LIMCH1: variants seen among roughly 807,000 people sequenced by gnomAD.
LIMCH1 encodes the protein LIM and calponin homology domains 1, also known as LIM and calponin homology domains-containing protein 1.
A neutral mutation model predicts 176.5 loss-of-function variants in LIMCH1; 113 were observed. That is an observed-to-expected ratio of 0.64 (90% confidence interval 0.55 to 0.75). The LOEUF is 0.75. LIMCH1 is among the 30% of genes least tolerant of loss of function. LIMCH1 has a pLI of 0.00. For synonymous variants in LIMCH1, 619 were observed against 645.9 expected (o/e 0.96, Z 0.63); for missense variants, 1,674 against 1,814.9 (o/e 0.92, Z 1.41).
intron 2 of LIMCH1, among the ~76,000 whole-genome samples, chr4:41,519,503 C>T (rs971192065): frequency 6.6e-6 from 1 of 152,136 alleles, no homozygotes; most frequent in Admixed American, 6.5e-5. Context: ...TAAGGATTAT[C>T]CAAGATCATA....
At chr4:41,685,681 C>G in intron 27 of LIMCH1, 29 bp from the exon 28 acceptor site, 2 of 1,612,370 alleles carry the variant, frequency 1.2e-6, no homozygotes, top group Non-Finnish European at 1.7e-6. Flanking sequence ...TTACTGTGCA[C>G]TACATTTATG....
intron 18 of LIMCH1, among the ~76,000 whole-genome samples, chr4:41,656,930 T>C (rs2094481004): frequency 6.6e-6 from 1 of 152,114 alleles, no homozygotes; most frequent in Non-Finnish European, 1.5e-5. Flanking sequence ...GCTTCACATG[T>C]CTAGTACATC....
chr4:41,401,210 A>G (rs1257217228), intron 1 of LIMCH1, among the ~76,000 whole-genome samples: 2 of 152,186 alleles, frequency 1.3e-5, no homozygotes, highest in East Asian at 1.9e-4. Flanking sequence ...ATTTTTGTAT[A>G]AAGTGTAAGG....
At chr4:41,570,745 GCC>G (rs1365081393) in intron 1 of LIMCH1, among the ~76,000 whole-genome samples, 3 of 152,148 alleles carry the variant, frequency 2.0e-5, no homozygotes, top group Non-Finnish European at 4.4e-5. Flanking sequence ...GAATGGCACC[GCC>G]CAACAAAAAT....
At chr4:41,390,575 A>G (rs866726379) in intron 1 of LIMCH1, among the ~76,000 whole-genome samples, 1 of 152,234 alleles carries the variant, frequency 6.6e-6, no homozygotes, top group Non-Finnish European at 1.5e-5. Flanking sequence ...TTTCAAAAGA[A>G]TAACAAATTT....
At chr4:41,632,726 C>A in intron 10 of LIMCH1, 23 bp from the exon 11 acceptor site, 1 of 1,518,950 alleles carries the variant, frequency 6.6e-7, no homozygotes, top group Non-Finnish European at 8.8e-7. Context: ...CTCTTGCCAC[C>A]AATGCTACTT....
At chr4:41,459,460 C>T (rs1279158866) in intron 1 of LIMCH1, among the ~76,000 whole-genome samples, 1 of 151,970 alleles carries the variant, frequency 6.6e-6, no homozygotes, top group African/African-American at 2.4e-5. Flanking sequence ...GCCAATGCAT[C>T]CAAATAATAT....
chr4:41,586,721 G>T (rs1418197974), intron 1 of LIMCH1, among the ~76,000 whole-genome samples: 1 of 152,156 alleles, frequency 6.6e-6, no homozygotes, highest in South Asian at 2.1e-4. Context: ...GTAATTTTTT[G>T]GAGGGATAGA....
intron 3 of LIMCH1, among the ~76,000 whole-genome samples, chr4:41,527,836 A>AAC (rs1219752579): frequency 8.0e-5 from 12 of 150,818 alleles, no homozygotes; most frequent in Non-Finnish European, 1.8e-4. Context: ...AAAAAAAAAA[A>AAC]AAAAAAAAAA....
chr4:41,531,471 C>T (rs1301686025), intron 3 of LIMCH1, among the ~76,000 whole-genome samples: 2 of 123,222 alleles, frequency 1.6e-5, no homozygotes, highest in East Asian at 2.4e-4. Context: ...CAGTCTTTCT[C>T]TGTCACACAC....
intron 1 of LIMCH1, among the ~76,000 whole-genome samples, chr4:41,551,848 G>A (rs1381508411): frequency 6.6e-6 from 1 of 152,144 alleles, no homozygotes; most frequent in Non-Finnish European, 1.5e-5. Context: ...CCTGAAATGT[G>A]TACTATTTGG....
chr4:41,581,820 A>C (rs1002451345), intron 1 of LIMCH1, among the ~76,000 whole-genome samples: 2 of 150,940 alleles, frequency 1.3e-5, no homozygotes, highest in Non-Finnish European at 3.0e-5. Flanking sequence ...AAAAAAAAAA[A>C]AAAAAAAAAA....
At position 41,419,608 on chromosome 4, in the gene LIMCH1, T is replaced by TCCTTCCG. The variant is rs1290594908; in HGVS notation, c.96+58672_96+58673insCCTTCCG. 9.3e-5 allele frequency among the ~76,000 whole-genome samples: 5 copies of TCCTTCCG among 53,552 alleles called. No individual in the cohort carries two copies. In the African/African-American group the frequency reaches 9.4e-4, roughly 10 times the overall value. The allele number at this position is 53,552 out of a possible 152,430, so 35.1% of individuals were successfully genotyped here. A position where few individuals can be genotyped will look rare whatever the true frequency, so the allele number is the denominator to read the frequency against. ...CTTCCTTCCTTCCTTCCTTCCGTCC[T>TCCTTCCG]TCCTTCCTTCCTTCCTTCCTTCCTT... On this transcript the variant is annotated intron_variant, in intron 1 of 26. Coordinates refer to the LIMCH1 transcript ENST00000313860.
At position 41,548,011 on chromosome 4, in the gene LIMCH1, A is replaced by G. The variant is rs1286329385; in HGVS notation, c.-241+9661A>G. ...TTTTTCCCTAAACCTCTATTTTCCC[A>G]TCTATTAAATAGCATAGTAATAGTA... is the stretch of plus-strand genomic sequence containing the variant. On this transcript the variant is annotated intron_variant, in intron 1 of 31. Transcript: ENST00000503057. 2.6e-5 allele frequency among the ~76,000 whole-genome samples: 4 copies of G among 151,118 alleles called. No homozygotes were observed. The South Asian group carries it at 6.3e-4, about 24-fold the overall frequency.
At chr4:41,544,094 A>G (rs4429756) in intron 1 of LIMCH1, among the ~76,000 whole-genome samples, 150,056 of 151,798 alleles carry the variant, frequency 0.99, 74,170 homozygotes, top group East Asian at 1. Flanking sequence ...CACCCCCACC[A>G]AGCCTTCTCA....
At chr4:41,444,327 C>T (rs867808864) in intron 1 of LIMCH1, among the ~76,000 whole-genome samples, 2 of 122,222 alleles carry the variant, frequency 1.6e-5, no homozygotes, top group Admixed American at 7.3e-5. Flanking sequence ...CACACACACA[C>T]ACACACACAC....
intron 1 of LIMCH1, among the ~76,000 whole-genome samples, chr4:41,443,641 G>C (rs1421714250): frequency 1.3e-5 from 2 of 152,160 alleles, no homozygotes; most frequent in African/African-American, 4.8e-5. Context: ...TTAATTTACA[G>C]TATTTGTAAG....
intron 4 of LIMCH1, chr4:41,613,083 C>T (rs1458169120): frequency 3.5e-5 from 54 of 1,551,958 alleles, no homozygotes; most frequent in East Asian, 4.9e-5. Context: ...TTATGGATTC[C>T]GAAAGACAAG....
At chr4:41,425,253 G>A (rs752579258) in intron 1 of LIMCH1, among the ~76,000 whole-genome samples, 4 of 152,206 alleles carry the variant, frequency 2.6e-5, no homozygotes, top group Non-Finnish European at 4.4e-5. Flanking sequence ...TCTGGGAAGG[G>A]TCTTGATCCC....
Sources: allele counts gnomAD v4.1 joint callset (sites outside exome capture counted in the v4.1 genomes callset), GRCh38; gene constraint gnomAD v4.1.1; transcripts MANE v1.5; gene names NCBI Gene and HGNC (gene_info 2026-07-23, HGNC 2026-07-21).